SATB1: variants seen among roughly 807,000 people sequenced by gnomAD.
SATB1 encodes the protein SATB homeobox 1.
In SATB1, 11 loss-of-function variants were observed where a neutral mutation model predicts 86.9. The ratio of observed to expected loss-of-function variants is 0.13; its 90% CI spans 0.08 to 0.21. The LOEUF (loss-of-function observed/expected upper bound fraction) is 0.21, where lower values mean the gene tolerates loss of function less well. SATB1 is among the 10% of genes least tolerant of loss of function. SATB1 has a pLI of 1.00. For synonymous variants in SATB1, 357 were observed against 357.2 expected, an observed-to-expected ratio of 1.00 and a Z score of 0.01; for missense variants, 551 against 937.6, an observed-to-expected ratio of 0.59 and a Z score of 5.39.
At chr3:18,397,328 G>T in intron 5 of SATB1, 38 bp from the exon 6 acceptor site, 1 of 1,118,518 alleles carries the variant, frequency 8.9e-7, no homozygotes, top group Non-Finnish European at 1.4e-6. Context: ...GTAATACACA[G>T]CAGCACAAGA....
At chr3:18,389,254 C>A (rs1286861421) in intron 7 of SATB1, among the ~76,000 whole-genome samples, 2 of 136,294 alleles carry the variant, frequency 1.5e-5, no homozygotes, top group Non-Finnish European at 3.1e-5. Context: ...GTTTCAGAAA[C>A]CTTTGGGTTT....
At chr3:18,437,099 AGTT>A (rs1190301262) in intron 1 of SATB1, among the ~76,000 whole-genome samples, 1 of 152,200 alleles carries the variant, frequency 6.6e-6, no homozygotes, top group East Asian at 1.9e-4. Context: ...GGTTATATAG[AGTT>A]TTAAGTAATC....
intron 3 of SATB1, 148 bp from the exon 4 acceptor site, chr3:18,416,281 G>T: frequency 3.7e-6 from 2 of 534,192 alleles, no homozygotes; most frequent in Non-Finnish European, 6.1e-6. Flanking sequence ...TAAAAGGCAG[G>T]TCAATGAAAA....
chr3:18,369,738 G>C (rs1464950149), intron 9 of SATB1, among the ~76,000 whole-genome samples: 1 of 152,182 alleles, frequency 6.6e-6, no homozygotes, highest in Non-Finnish European at 1.5e-5. Context: ...AAAGGAGGAG[G>C]AGAGAGTTTA....
upstream of SATB1, among the ~76,000 whole-genome samples, chr3:18,442,466 G>A (rs925381936): frequency 1.3e-5 from 2 of 152,118 alleles, no homozygotes; most frequent in East Asian, 3.9e-4. Context: ...AGTGTCAAAT[G>A]AAGATGAAGA....
At chr3:18,384,782 T>C (rs1231040559) in intron 8 of SATB1, among the ~76,000 whole-genome samples, 1 of 152,196 alleles carries the variant, frequency 6.6e-6, no homozygotes, top group Non-Finnish European at 1.5e-5. Flanking sequence ...CCTCATTCTT[T>C]ATCTTAGGAA....
intron 5 of SATB1, among the ~76,000 whole-genome samples, chr3:18,414,224 GT>G (rs1559449796): frequency 6.6e-6 from 1 of 152,040 alleles, no homozygotes; most frequent in African/African-American, 2.4e-5. Flanking sequence ...CTTAAAACGG[GT>G]TTGGGTACTG....
chr3:18,420,782 A>C lies in SATB1; in HGVS notation c.186T>G (p.His62Gln). The C allele has an allele frequency of 6.2e-7, 1 of 1,613,958 alleles. No individual in the cohort carries two copies. The highest frequency in any genetic ancestry group is 8.5e-7 in the Non-Finnish European group (1 of 1,180,028). ...MQGVPLKHSGHLMKTNLRKGT... is the reference protein window; with the variant it reads ...MQGVPLKHSGQLMKTNLRKGT... ...CTTTCCTAAGGTTGGTTTTCATCAG[A>C]TGGCCCGAGTGTTTTAAAGGCACTC... The change falls in exon 2 of 11, where the codon CAT becomes CAG. Residue 62 changes from histidine (H) to glutamine (Q), a missense_variant. Physicochemically the swap from His to Gln is conservative, Grantham distance 24 (BLOSUM62 0). This residue lies in a region of SATB1 where 153 missense variants were observed against 258.1 expected (regional missense o/e 0.59). Transcript: ENST00000338745.
chr3:18,349,883 A>C lies in SATB1; in HGVS notation c.1780-201T>G. The C allele has an allele frequency of 1.1e-6, 1 of 909,320 alleles. No homozygotes were observed. The highest frequency in any genetic ancestry group is 1.6e-6 in the Non-Finnish European group (1 of 630,856). 56.3% of individuals were successfully genotyped at this position (909,320 alleles called of 1,614,324 possible). A position where few individuals can be genotyped will look rare whatever the true frequency, so the allele number is the denominator to read the frequency against. On this transcript the variant is annotated intron_variant, in intron 10 of 10. Coordinates refer to ENST00000338745, the MANE Select transcript of SATB1 (RefSeq NM_002971.6). The surrounding 1 kb of genome is among the most constrained non-coding windows in gnomAD (Gnocchi z 5.5). Reference sequence around the variant, plus strand: ...AAAATGATATGACTAGGAAGGGATGAATTAAGACAGCTTTGGGGGGCTACT... The same window carrying C: ...AAAATGATATGACTAGGAAGGGATGCATTAAGACAGCTTTGGGGGGCTACT...
chr3:18,402,272 T>G (rs1430313266), intron 5 of SATB1, among the ~76,000 whole-genome samples: 1 of 152,084 alleles, frequency 6.6e-6, no homozygotes, highest in Non-Finnish European at 1.5e-5. Flanking sequence ...AAAAAAAGAT[T>G]CATCAGATGG....
chr3:18,384,322 A>C (rs866853686), intron 8 of SATB1, among the ~76,000 whole-genome samples: 5 of 152,240 alleles, frequency 3.3e-5, no homozygotes, highest in African/African-American at 1.2e-4. Context: ...GAATTGGTAT[A>C]ACTTTAGCTC....
At chr3:18,414,698 T>C (rs890339564) in intron 5 of SATB1, among the ~76,000 whole-genome samples, 17 of 152,088 alleles carry the variant, frequency 1.1e-4, no homozygotes, top group African/African-American at 3.9e-4. Context: ...TTTACTCAGA[T>C]AGCACGGTGA....
chr3:18,436,193 A>C (rs1699055157), intron 2 of SATB1, among the ~76,000 whole-genome samples: 1 of 152,190 alleles, frequency 6.6e-6, no homozygotes. Flanking sequence ...AGCTGCAATG[A>C]AAAATATCTT....
At chr3:18,389,303 G>A (rs1320269904) in intron 7 of SATB1, among the ~76,000 whole-genome samples, 2 of 150,290 alleles carry the variant, frequency 1.3e-5, no homozygotes, top group African/African-American at 4.9e-5. Flanking sequence ...TCAATGAGGG[G>A]AGTGCCCCCT....
chr3:18,444,034 C>G lies in SATB1; in HGVS notation c.-25+1484G>C, dbSNP rs1313696390. ...GTTGCCACAAACTTCCCAGGCCCCT[C>G]TTCGCCGATGCTTACAATCAGCCGC... On this transcript the variant is annotated intron_variant, in intron 1 of 3. Coordinates refer to the SATB1 transcript ENST00000415069. This position sits in a 1 kb window ranked among gnomAD's most constrained non-coding sequence, Gnocchi z 5.1. Among the ~76,000 whole-genome samples the G allele has an allele frequency of 6.6e-6, 1 of 152,178 alleles. No individual in the cohort carries two copies. Among genetic ancestry groups the G allele is most frequent in the Non-Finnish European group, 1.5e-5 (1 of 68,040 alleles).
intron 9 of SATB1, among the ~76,000 whole-genome samples, chr3:18,366,206 A>C (rs1695175662): frequency 6.6e-6 from 1 of 152,054 alleles, no homozygotes; most frequent in African/African-American, 2.4e-5. Context: ...ATTAAATGCT[A>C]CAGGTACCAA....
chr3:18,404,897 A>G (rs1697445507), intron 5 of SATB1, among the ~76,000 whole-genome samples: 2 of 152,008 alleles, frequency 1.3e-5, no homozygotes. Flanking sequence ...TGCACACAGA[A>G]GCTGTAACAT....
chr3:18,379,029 GATA>G (rs1040054571), intron 8 of SATB1, among the ~76,000 whole-genome samples: 157 of 152,218 alleles, frequency 1.0e-3, no homozygotes, highest in African/African-American at 3.2e-3. Context: ...CACACAATAA[GATA>G]ATGTTTCACA....
intron 9 of SATB1, among the ~76,000 whole-genome samples, chr3:18,367,351 A>G (rs2125161707): frequency 6.6e-6 from 1 of 152,336 alleles, no homozygotes; most frequent in South Asian, 2.1e-4. Context: ...AAAAATGAAG[A>G]CAGTGGGTCC....
Sources: gnomAD v4.1 joint callset for allele counts (sites outside exome capture counted in the v4.1 genomes callset) on GRCh38, gnomAD v4.1.1 for gene constraint, gnomAD v4.1.1 regional missense constraint, Gnocchi (gnomAD v3.1) non-coding constraint, MANE v1.5 for transcripts, NCBI Gene and HGNC (gene_info 2026-07-23, HGNC 2026-07-21) for gene names.